Variants in CRKL observed in about 807,000 individuals in gnomAD.
CRKL encodes crk-like protein.
CRKL carries 3 observed loss-of-function variants against 23.0 expected under a neutral mutation model. The ratio of observed to expected loss-of-function variants is 0.13; its 90% CI spans 0.06 to 0.34. The LOEUF is 0.34. Ranked by LOEUF, CRKL falls within the 10% of genes least tolerant of loss-of-function variation. The pLI is 1.00. For synonymous variants in CRKL, 188 were observed against 160.7 expected, an observed-to-expected ratio of 1.17 and a Z score of -1.28; for missense variants, 256 against 394.5, an observed-to-expected ratio of 0.65 and a Z score of 2.97.
At chr22:20,943,433 G>A (rs1293890421) in intron 2 of CRKL, among the ~76,000 whole-genome samples, 1 of 152,012 alleles carries the variant, frequency 6.6e-6, no homozygotes, top group Non-Finnish European at 1.5e-5. Context: ...TAGAGATGGG[G>A]TTTTACCATG....
chr22:20,933,167 A>G lies in CRKL; in HGVS notation c.312-612A>G, dbSNP rs534123175. On this transcript the variant is annotated intron_variant, in intron 1 of 2. Coordinates refer to ENST00000354336, the MANE Select transcript of CRKL (RefSeq NM_005207.4). ...AGGCAGATCACGAGGTCAGGAGATC[A>G]AGACCATCCTGGCTAACAAGGTGAA... Among the ~76,000 whole-genome samples the G allele has an allele frequency of 4.0e-4, 60 of 151,878 alleles. 1 individual carries two copies. Among genetic ancestry groups the G allele is most frequent in the South Asian group, 3.3e-3 (16 of 4,792 alleles).
rs899893281 is a variant in CRKL at position 20,950,051 on chromosome 22, G to A, written c.*206G>A. 6 of 572,754 alleles carry A rather than the reference G, an allele frequency of 1.0e-5. No individual in the cohort carries two copies. Among genetic ancestry groups the A allele is most frequent in the Admixed American group, 8.0e-5 (2 of 25,074 alleles). 35.5% of individuals were successfully genotyped at this position (572,754 alleles called of 1,614,324 possible). On this transcript the variant is annotated 3_prime_UTR_variant, in exon 3 of 3. Coordinates refer to ENST00000354336, the MANE Select transcript of CRKL (RefSeq NM_005207.4). ...ATAGTCGTATTGTCAAAGAGTAGCC[G>A]ATTTTAGAGTTCTTTTGGATCATAA...
chr22:20,950,842 G>A lies in CRKL; in HGVS notation c.*997G>A. ...AAAGGAATCTGAAAAGAACAACCCT[G>A]AAGCAGAGGCCTTTATTGTCTTGGT... On this transcript the variant is annotated 3_prime_UTR_variant, in exon 3 of 3. Transcript: ENST00000354336. 1 of 231,272 alleles carries A rather than the reference G, an allele frequency of 4.3e-6. No homozygotes were observed. The highest frequency in any genetic ancestry group is 6.1e-5 in the East Asian group (1 of 16,286). The allele number at this position is 231,272 out of a possible 1,614,324, so 14.3% of individuals were successfully genotyped here.
chr22:20,918,541 TTCTC>T (rs1929776614), intron 1 of CRKL, among the ~76,000 whole-genome samples: 1 of 152,076 alleles, frequency 6.6e-6, no homozygotes, highest in African/African-American at 2.4e-5. Context: ...TTTCGTGACT[TTCTC>T]TGGGTGTAAT....
chr22:20,930,267 G>A (rs2056137834), intron 1 of CRKL, among the ~76,000 whole-genome samples: 1 of 152,164 alleles, frequency 6.6e-6, no homozygotes, highest in South Asian at 2.1e-4. Context: ...TAAAGGGTCA[G>A]ATTTTAAATA....
intron 1 of CRKL, among the ~76,000 whole-genome samples, chr22:20,924,810 A>G (rs750408667): frequency 7.2e-5 from 11 of 152,182 alleles, no homozygotes; most frequent in Non-Finnish European, 1.6e-4. Context: ...GCTGGACTCC[A>G]TCCTGGGCGA....
intron 1 of CRKL, among the ~76,000 whole-genome samples, chr22:20,926,410 A>G (rs572013445): frequency 6.6e-6 from 1 of 152,304 alleles, no homozygotes; most frequent in East Asian, 1.9e-4. Flanking sequence ...ATCAAATGCC[A>G]TAGGAATGTA....
Position 20,947,640 on chromosome 22 carries a change from TTTTTCTTTTC to T in CRKL, c.778-2056_778-2047del, listed in dbSNP as rs139246875. Among the ~76,000 whole-genome samples, 70 of 144,070 alleles carry T rather than the reference TTTTTCTTTTC, an allele frequency of 4.9e-4. 1 individual carries two copies. The highest frequency in any genetic ancestry group is 1.5e-3 in the African/African-American group (59 of 39,192). The allele number at this position is 144,070 out of a possible 152,430, so 94.5% of individuals were successfully genotyped here. On this transcript the variant is annotated intron_variant, in intron 2 of 2. Transcript: ENST00000354336. ...CAGATGTGAGCCACTGCGCCTAGGC[TTTTTCTTTTC>T]TTTTCTTTTCTTTTTTCTTTTTTTC...
intron 2 of CRKL, among the ~76,000 whole-genome samples, chr22:20,936,934 C>T (rs1921680923): frequency 6.6e-6 from 1 of 151,654 alleles, no homozygotes; most frequent in South Asian, 2.1e-4. Context: ...AATCTCAGCT[C>T]ACTGCAACCT....
chr22:20,920,481 AGAGT>A, intron 1 of CRKL, among the ~76,000 whole-genome samples: 1 of 151,576 alleles, frequency 6.6e-6, no homozygotes, highest in Non-Finnish European at 1.5e-5. Flanking sequence ...CCCGGGTGAC[AGAGT>A]GAGACTCTGT....
At chr22:20,940,487 C>A (rs571104129) in intron 2 of CRKL, among the ~76,000 whole-genome samples, 2 of 151,640 alleles carry the variant, frequency 1.3e-5, no homozygotes, top group South Asian at 4.2e-4. Context: ...TGACAGGAGA[C>A]TAGTCTTGGA....
rs1198699701 is a variant in CRKL at position 20,941,588 on chromosome 22, A to ATTTTTTTTT, written c.777+7360_777+7368dup. On this transcript the variant is annotated intron_variant, in intron 2 of 2. Coordinates refer to ENST00000354336, the MANE Select transcript of CRKL (RefSeq NM_005207.4). The stretch of plus-strand genomic sequence containing the variant: ...TGTGTGTGTGTGTGTGTATATATAT[A>ATTTTTTTTT]TTTTTTTTTTTTTTTTTTTTTTTTG... 2.6e-3 allele frequency among the ~76,000 whole-genome samples: 88 copies of ATTTTTTTTT among 33,540 alleles called. 13 individuals are homozygous for ATTTTTTTTT. Among genetic ancestry groups the ATTTTTTTTT allele is most frequent in the South Asian group, 9.8e-3 (6 of 612 alleles). 22.0% of individuals were successfully genotyped at this position (33,540 alleles called of 152,430 possible).
chr22:20,924,032 A>T (rs1921099153), intron 1 of CRKL, among the ~76,000 whole-genome samples: 1 of 152,112 alleles, frequency 6.6e-6, no homozygotes, highest in African/African-American at 2.4e-5. Context: ...ACAAAAAATT[A>T]AAAAATTAGC....
In CRKL at chr22:20,950,826, T is replaced by G. The variant is rs1922248597; in HGVS notation, c.*981T>G. On this transcript the variant is annotated 3_prime_UTR_variant, in exon 3 of 3. Coordinates refer to ENST00000354336, the MANE Select transcript of CRKL (RefSeq NM_005207.4). Reference sequence around the variant, plus strand: ...TGAAGCTGCTGTAACTAAAGGAATCTGAAAAGAACAACCCTGAAGCAGAGG... The same window carrying G: ...TGAAGCTGCTGTAACTAAAGGAATCGGAAAAGAACAACCCTGAAGCAGAGG... 4.3e-6 allele frequency: 1 copy of G among 230,306 alleles called. No homozygotes were observed. The highest frequency in any genetic ancestry group is 1.8e-4 in the South Asian group (1 of 5,510). The allele number at this position is 230,306 out of a possible 1,614,324, so 14.3% of individuals were successfully genotyped here. A position where few individuals can be genotyped will look rare whatever the true frequency, so the allele number is the denominator to read the frequency against.
intron 1 of CRKL, among the ~76,000 whole-genome samples, chr22:20,923,377 C>T (rs550415810): frequency 2.6e-4 from 39 of 149,568 alleles, no homozygotes; most frequent in Non-Finnish European, 4.9e-4. Flanking sequence ...CCTGGGTTCA[C>T]GCCATTCTCC....
Position 20,922,600 on chromosome 22 carries a change from A to G in CRKL, c.311+4355A>G, listed in dbSNP as rs976440990. ...AAGGGAAGAAGGGATGATTTGGTCT[A>G]TTTGTAACTTTGTTATCTTCTGTGT... On this transcript the variant is annotated intron_variant, in intron 1 of 2. Coordinates refer to ENST00000354336, the MANE Select transcript of CRKL (RefSeq NM_005207.4). 2.0e-5 allele frequency among the ~76,000 whole-genome samples: 3 copies of G among 152,230 alleles called. No homozygotes were observed. The East Asian group carries it at 5.8e-4, about 29-fold the overall frequency.
At chr22:20,942,384 A>T (rs1416592773) in intron 2 of CRKL, among the ~76,000 whole-genome samples, 1 of 152,238 alleles carries the variant, frequency 6.6e-6, no homozygotes, top group Non-Finnish European at 1.5e-5. Flanking sequence ...CCATCTGTAC[A>T]GGAAATTATG....
intron 1 of CRKL, among the ~76,000 whole-genome samples, chr22:20,931,427 G>A (rs184954957): frequency 6.6e-6 from 1 of 152,276 alleles, no homozygotes; most frequent in African/African-American, 2.4e-5. Context: ...GAAAGAAATA[G>A]AAGCAGGGAT....
chr22:20,950,705 C>T lies in CRKL; in HGVS notation c.*860C>T, dbSNP rs370855350. ...CTGGGATTACAGCCGTGAGCCGCCGCGCCTGGCCTAGACTTGTGTGTTCTA... is the reference window on the plus strand; with the variant it reads ...CTGGGATTACAGCCGTGAGCCGCCGTGCCTGGCCTAGACTTGTGTGTTCTA... On this transcript the variant is annotated 3_prime_UTR_variant, in exon 3 of 3. Transcript: ENST00000354336. 33 of 221,152 alleles carry T rather than the reference C, an allele frequency of 1.5e-4. No homozygotes were observed. The highest frequency in any genetic ancestry group is 6.0e-4 in the East Asian group (9 of 14,918). The allele number at this position is 221,152 out of a possible 1,614,324, so 13.7% of individuals were successfully genotyped here. A position where few individuals can be genotyped will look rare whatever the true frequency, so the allele number is the denominator to read the frequency against.
Sources: allele counts gnomAD v4.1 joint callset (sites outside exome capture counted in the v4.1 genomes callset), GRCh38; gene constraint gnomAD v4.1.1; transcripts MANE v1.5; gene names NCBI Gene and HGNC (gene_info 2026-07-23, HGNC 2026-07-21).